The following OR3A3 variants were observed in gnomAD, a reference collection of about 807,000 sequenced individuals.
OR3A3 encodes the protein olfactory receptor 3A3.
For synonymous variants in OR3A3, 103 were observed against 163.9 expected (o/e 0.63, Z 2.84); for missense variants, 275 against 391.4 (o/e 0.70, Z 2.51).
chr17:3,415,687 C>T (rs2150680548), intron 2 of OR3A3, among the ~76,000 whole-genome samples: 1 of 150,374 alleles, frequency 6.7e-6, no homozygotes, highest in Non-Finnish European at 1.5e-5. Flanking sequence ...AATGAATTTA[C>T]TTGTCTCATT....
At chr17:3,414,332 C>A (rs2956853) in intron 2 of OR3A3, among the ~76,000 whole-genome samples, 87,001 of 152,014 alleles carry the variant, frequency 0.57, 26,296 homozygotes, top group East Asian at 0.87. Context: ...CGGCCTCCCA[C>A]AGTGCTGGGA....
exon 3 of OR3A3, chr17:3,420,660 G>C (rs2072425655): frequency 4.6e-6 from 7 of 1,532,004 alleles, no homozygotes; most frequent in Non-Finnish European, 6.2e-6. Flanking sequence ...AAACAGAAGA[G>C]ATGCAGCCAG....
At chr17:3,416,503 G>A (rs554885175) in intron 2 of OR3A3, among the ~76,000 whole-genome samples, 7 of 151,080 alleles carry the variant, frequency 4.6e-5, no homozygotes, top group African/African-American at 9.7e-5. Context: ...TAGTTTGATC[G>A]TCATTACAAA....
At chr17:3,419,968 T>G (rs140601039) in intron 2 of OR3A3, among the ~76,000 whole-genome samples, 2 of 151,996 alleles carry the variant, frequency 1.3e-5, no homozygotes, top group Non-Finnish European at 2.9e-5. Context: ...GGGGTTTCGC[T>G]GTGTTAGCCA....
At chr17:3,413,344 G>A (rs920723951) in intron 2 of OR3A3, among the ~76,000 whole-genome samples, 6 of 152,162 alleles carry the variant, frequency 3.9e-5, no homozygotes, top group Non-Finnish European at 8.8e-5. Flanking sequence ...AAATATTTGG[G>A]AAGTGGACTT....
intron 2 of OR3A3, among the ~76,000 whole-genome samples, chr17:3,417,495 C>T (rs2072399597): frequency 6.6e-6 from 1 of 152,098 alleles, no homozygotes; most frequent in Non-Finnish European, 1.5e-5. Context: ...AAAAAAAATT[C>T]AGTGCTTATT....
At chr17:3,412,458 C>A (rs2072367593) in intron 2 of OR3A3, among the ~76,000 whole-genome samples, 1 of 146,964 alleles carries the variant, frequency 6.8e-6, no homozygotes, top group Non-Finnish European at 1.5e-5. Context: ...CTCGCTCCAG[C>A]GAAGTCCTTG....
intron 2 of OR3A3, among the ~76,000 whole-genome samples, chr17:3,413,906 G>A (rs1177593705): frequency 1.3e-5 from 2 of 152,028 alleles, no homozygotes; most frequent in Non-Finnish European, 1.5e-5. Flanking sequence ...CATCCATGTG[G>A]CATCCCCTCT....
chr17:3,414,198 A>C (rs922959802), intron 2 of OR3A3, among the ~76,000 whole-genome samples: 1 of 152,130 alleles, frequency 6.6e-6, no homozygotes, highest in African/African-American at 2.4e-5. Flanking sequence ...CAGCCACCCG[A>C]GTAGCTGGGA....
At chr17:3,417,552 G>A (rs1435948957) in intron 2 of OR3A3, among the ~76,000 whole-genome samples, 2 of 152,110 alleles carry the variant, frequency 1.3e-5, no homozygotes, top group Admixed American at 1.3e-4. Flanking sequence ...TTTGTTGGCT[G>A]AAGTTTATCC....
chr17:3,416,067 C>T (rs2072389720), intron 2 of OR3A3, among the ~76,000 whole-genome samples: 1 of 151,980 alleles, frequency 6.6e-6, no homozygotes, highest in Non-Finnish European at 1.5e-5. Flanking sequence ...CTGCCTCAGC[C>T]TCCCAACGTG....
At chr17:3,420,202 G>A (rs1325143263) in intron 2 of OR3A3, among the ~76,000 whole-genome samples, 1 of 152,026 alleles carries the variant, frequency 6.6e-6, no homozygotes, top group African/African-American at 2.4e-5. Flanking sequence ...TTAGTATAGT[G>A]AAACAAATTA....
chr17:3,412,904 A>G (rs901002670), intron 2 of OR3A3, among the ~76,000 whole-genome samples: 1 of 152,232 alleles, frequency 6.6e-6, no homozygotes, highest in South Asian at 2.1e-4. Flanking sequence ...CTAAGCCAGG[A>G]AAGTCTAGCC....
intron 2 of OR3A3, among the ~76,000 whole-genome samples, chr17:3,419,729 CTTTT>C (rs564569456): frequency 4.0e-5 from 4 of 98,884 alleles, no homozygotes; most frequent in Admixed American, 1.1e-4. Context: ...AAAATTCTAT[CTTTT>C]TTTTTTTTTT....
At chr17:3,418,317 G>C (rs1199062325) in intron 2 of OR3A3, among the ~76,000 whole-genome samples, 2 of 152,160 alleles carry the variant, frequency 1.3e-5, no homozygotes, top group Admixed American at 6.5e-5. Context: ...TTTTTCATGA[G>C]AGGTTTTTGC....
intron 2 of OR3A3, among the ~76,000 whole-genome samples, chr17:3,418,894 G>A (rs2072408403): frequency 6.6e-6 from 1 of 152,118 alleles, no homozygotes; most frequent in South Asian, 2.1e-4. Context: ...GGCTTTCCAA[G>A]TACATGCCTT....
intron 2 of OR3A3, among the ~76,000 whole-genome samples, chr17:3,415,884 C>A (rs2072388518): frequency 6.7e-6 from 1 of 149,750 alleles, no homozygotes; most frequent in African/African-American, 2.4e-5. Context: ...TCTTGGCTCA[C>A]TACAACCTCC....
intron 2 of OR3A3, among the ~76,000 whole-genome samples, chr17:3,419,786 T>C (rs1213375629): frequency 1.4e-5 from 2 of 140,516 alleles, no homozygotes; most frequent in African/African-American, 5.3e-5. Context: ...CAGGCTGGAG[T>C]GCAGTGGCGC....
exon 3 of OR3A3, chr17:3,421,085 C>A (rs745682337): frequency 2.5e-6 from 4 of 1,614,020 alleles, no homozygotes; most frequent in African/African-American, 2.7e-5. Flanking sequence ...GTGGCCATGT[C>A]CACGCTCAAC....
Sources: gnomAD v4.1 joint callset for allele counts (sites outside exome capture counted in the v4.1 genomes callset) on GRCh38, gnomAD v4.1.1 for gene constraint, MANE v1.5 for transcripts, NCBI Gene and HGNC (gene_info 2026-07-23, HGNC 2026-07-21) for gene names.